The following ZNF569 variants were observed in gnomAD, a reference collection of about 807,000 sequenced individuals.
ZNF569 encodes zinc finger protein 569.
A neutral mutation model predicts 56.3 loss-of-function variants in ZNF569; 38 were observed. The observed-to-expected ratio is 0.68, with a 90% confidence interval of 0.52 to 0.88. ZNF569 has a LOEUF of 0.88. ZNF569 is among the 40% of genes least tolerant of loss of function. ZNF569 has a pLI of 0.00. For missense variants in ZNF569, 666 were observed against 809.2 expected, an observed-to-expected ratio of 0.82 and a Z score of 2.15; for synonymous variants, 241 against 262.9, an observed-to-expected ratio of 0.92 and a Z score of 0.81.
Position 37,425,877 on chromosome 19 carries a change from G to A in ZNF569, c.229C>T (p.His77Tyr), listed in dbSNP as rs1413888694. The change falls in exon 5 of 6, where the codon CAC (histidine) becomes TAC (tyrosine). Residue 77 changes from histidine to tyrosine, a missense_variant. Transcript: ENST00000316950. ...GTTCCCTTCCACTAACCTTGCCAGT[G>A]TCTCCTTAATACTTCTTCCTCCATC... ...WVMEEEVLRR[H>Y]WQGEIWGVDE... is the part of the protein sequence containing the mutation. 3.1e-6 allele frequency: 5 copies of A among 1,613,508 alleles called. No individual in the cohort carries two copies. The highest frequency in any genetic ancestry group is 4.2e-6 in the Non-Finnish European group (5 of 1,179,658).
At chr19:37,417,771 G>A (rs558188881) in intron 5 of ZNF569, among the ~76,000 whole-genome samples, 2 of 152,288 alleles carry the variant, frequency 1.3e-5, no homozygotes, top group East Asian at 3.9e-4. Context: ...GGAAAAATGT[G>A]TAAGAGAAGA....
In ZNF569 at chr19:37,413,699, T is replaced by C; in HGVS notation, c.959A>G (p.His320Arg). ...KQSLIAHQKV[H>R]TGEKPYACNE... ...ACATGCATAAGGTTTCTCCCCAGTA[T>C]GAACTTTCTGATGTGCAATGAGGCT... The change falls in exon 6 of 6, where the codon CAT becomes CGT. Residue 320 changes from histidine to arginine, a missense_variant. Transcript: ENST00000316950. 2 of 1,613,870 alleles carry C rather than the reference T, an allele frequency of 1.2e-6. No homozygotes were observed. The highest frequency in any genetic ancestry group is 1.7e-6 in the Non-Finnish European group (2 of 1,179,898).
chr19:37,450,955 T>C (rs2146955044), intron 2 of ZNF569, among the ~76,000 whole-genome samples: 1 of 152,364 alleles, frequency 6.6e-6, no homozygotes, highest in East Asian at 1.9e-4. Flanking sequence ...ATTTCTAGTT[T>C]CATTCTACTG....
chr19:37,411,384 T>C lies in ZNF569; in HGVS notation c.*1213A>G, dbSNP rs1219577596. 6.6e-6 allele frequency: 1 copy of C among 152,200 alleles called. No homozygotes were observed. The highest frequency in any genetic ancestry group is 1.5e-5 in the Non-Finnish European group (1 of 68,000). The allele number at this position is 152,200 out of a possible 1,614,324, so 9.4% of individuals were successfully genotyped here. The stretch of plus-strand genomic sequence containing the variant: ...ATATTGTAATCTATCCATATAACTA[T>C]AGGTAGATTTTGTTTCTAAATTCTG... On this transcript the variant is annotated 3_prime_UTR_variant, in exon 6 of 6. Transcript: ENST00000316950.
intron 3 of ZNF569, among the ~76,000 whole-genome samples, chr19:37,436,902 A>G (rs1389992060): frequency 6.6e-6 from 1 of 151,970 alleles, no homozygotes; most frequent in Non-Finnish European, 1.5e-5. Context: ...TTAAAGAAGA[A>G]CTAATACCAA....
At chr19:37,425,204 T>C (rs2041107044) in intron 5 of ZNF569, among the ~76,000 whole-genome samples, 1 of 151,820 alleles carries the variant, frequency 6.6e-6, no homozygotes, top group Middle Eastern at 3.4e-3. Context: ...TAGGCTAGAG[T>C]GCAGTGCTGT....
At chr19:37,427,684 C>T (rs2041157010) in intron 3 of ZNF569, 1 of 418,946 alleles carries the variant, frequency 2.4e-6, no homozygotes, top group Admixed American at 2.5e-5. Context: ...TCCTGAAAGC[C>T]CTTCCTGCTG....
intron 3 of ZNF569, among the ~76,000 whole-genome samples, chr19:37,435,934 A>G (rs2041301786): frequency 6.6e-6 from 1 of 152,184 alleles, no homozygotes. Context: ...CACTGGACAG[A>G]CTATCCAGAT....
intron 2 of ZNF569, among the ~76,000 whole-genome samples, chr19:37,464,236 A>C (rs1451944996): frequency 6.6e-6 from 1 of 152,014 alleles, no homozygotes; most frequent in Admixed American, 6.6e-5. Flanking sequence ...GTTGCCCAGG[A>C]TGGAGTACAG....
chr19:37,417,890 A>C (rs2040960719), intron 5 of ZNF569, among the ~76,000 whole-genome samples: 1 of 152,086 alleles, frequency 6.6e-6, no homozygotes. Flanking sequence ...TCATGAAGTC[A>C]GGAGTTAAGA....
At chr19:37,439,101 G>A (rs780350344) in intron 3 of ZNF569, among the ~76,000 whole-genome samples, 47 of 152,112 alleles carry the variant, frequency 3.1e-4, no homozygotes, top group Admixed American at 5.2e-4. Context: ...ATGGAGTTTC[G>A]CTCTTGTTGC....
At chr19:37,422,957 T>C (rs879378097) in intron 5 of ZNF569, among the ~76,000 whole-genome samples, 2 of 152,138 alleles carry the variant, frequency 1.3e-5, no homozygotes, top group Non-Finnish European at 2.9e-5. Context: ...AACAAGCAAC[T>C]GTTAGCTAAA....
chr19:37,427,427 C>A (rs1227004236), intron 3 of ZNF569, among the ~76,000 whole-genome samples: 1 of 152,056 alleles, frequency 6.6e-6, no homozygotes, highest in Non-Finnish European at 1.5e-5. Flanking sequence ...AACAGAAATG[C>A]CCAAACGTAT....
At chr19:37,435,165 A>T (rs932124371) in intron 3 of ZNF569, among the ~76,000 whole-genome samples, 2 of 152,186 alleles carry the variant, frequency 1.3e-5, no homozygotes, top group African/African-American at 2.4e-5. Context: ...AACAGCAAAA[A>T]GTTAAAAAAG....
At position 37,431,881 on chromosome 19, in the gene ZNF569, C is replaced by T. The variant is rs957177882; in HGVS notation, c.16-5503G>A. ...CCCTTGGGCCTGGAATGAACACTGG[C>T]GGTAGCCAGGCCATACTTGCCATGG... is the stretch of plus-strand genomic sequence containing the variant. On this transcript the variant is annotated intron_variant, in intron 3 of 5. Transcript: ENST00000316950. Among the ~76,000 whole-genome samples, 10 of 152,212 alleles carry T rather than the reference C, an allele frequency of 6.6e-5. 1 individual carries two copies. The highest frequency in any genetic ancestry group is 1.3e-4 in the Admixed American group (2 of 15,294).
rs567623525 is a variant in ZNF569, at chr19:37,427,261, G to C, written c.16-883C>G. ...GAGCCCGGGAGGTGGAGGTTGCAGT[G>C]AGTCGTGATTGCACCACTACACTCC... is the stretch of plus-strand genomic sequence containing the variant. On this transcript the variant is annotated intron_variant, in intron 3 of 5. Coordinates refer to ENST00000316950, the MANE Select transcript of ZNF569 (RefSeq NM_152484.3). Among the ~76,000 whole-genome samples, 74 of 151,950 alleles carry C rather than the reference G, an allele frequency of 4.9e-4. 2 individuals carry two copies. In the South Asian group the frequency reaches 0.014, roughly 29 times the overall value.
chr19:37,468,421 GACGCGGTGGCTC>G (rs901250835), upstream of ZNF569, among the ~76,000 whole-genome samples: 1 of 152,166 alleles, frequency 6.6e-6, no homozygotes, highest in Non-Finnish European at 1.5e-5. Flanking sequence ...TAATAGGCCG[GACGCGGTGGCTC>G]ACGCCTGTGA....
At chr19:37,449,468 CGT>C (rs2041556034) in intron 2 of ZNF569, among the ~76,000 whole-genome samples, 1 of 152,122 alleles carries the variant, frequency 6.6e-6, no homozygotes. Context: ...TATAATTGTG[CGT>C]GTGTCTATTT....
intron 2 of ZNF569, among the ~76,000 whole-genome samples, chr19:37,448,985 T>A (rs1264549787): frequency 2.0e-5 from 3 of 152,244 alleles, no homozygotes; most frequent in Non-Finnish European, 4.4e-5. Flanking sequence ...CTTCCCTGTA[T>A]GCACTAATTT....
Sources: gnomAD v4.1 joint callset for allele counts (sites outside exome capture counted in the v4.1 genomes callset) on GRCh38, gnomAD v4.1.1 for gene constraint, MANE v1.5 for transcripts, NCBI Gene and HGNC (gene_info 2026-07-23, HGNC 2026-07-21) for gene names.